Variants in CSMD3 observed in about 807,000 individuals in gnomAD.
The protein encoded by CSMD3 is CUB and sushi domain-containing protein 3.
Under a neutral mutation model 435.2 loss-of-function variants are expected in CSMD3, and 177 were observed. The observed-to-expected ratio is 0.41, with a 90% CI of 0.36 to 0.46. The LOEUF (loss-of-function observed/expected upper bound fraction) is 0.46, where lower values mean the gene tolerates loss of function less well. CSMD3 is among the 20% of genes least tolerant of loss of function. CSMD3 has a pLI of 0.34. For missense variants in CSMD3, 4,265 were observed against 4,504.6 expected (o/e 0.95, Z 1.52); for synonymous variants, 1,656 against 1,520.5 (o/e 1.09, Z -2.07).
chr8:112,643,534 T>C (rs2074894725), intron 20 of CSMD3: 1 of 170,088 alleles, frequency 5.9e-6, no homozygotes, highest in Non-Finnish European at 1.5e-5. Context: ...TTGCAACCTG[T>C]GAAGATGCAA....
At chr8:112,622,621 A>C (rs1434727854) in intron 22 of CSMD3, among the ~76,000 whole-genome samples, 1 of 152,130 alleles carries the variant, frequency 6.6e-6, no homozygotes, top group East Asian at 1.9e-4. Context: ...TCCGTATGCA[A>C]AAGAATGAAT....
chr8:112,886,363 T>C (rs1200112107), intron 10 of CSMD3, among the ~76,000 whole-genome samples: 2 of 151,600 alleles, frequency 1.3e-5, no homozygotes, highest in African/African-American at 4.8e-5. Context: ...TTTTTTTTCT[T>C]TTTCTGAAAA....
chr8:112,782,676 G>T (rs2078421622), intron 13 of CSMD3, among the ~76,000 whole-genome samples: 1 of 151,948 alleles, frequency 6.6e-6, no homozygotes, highest in South Asian at 2.1e-4. Context: ...CAAGGATAAA[G>T]AAAGGATTTT....
At chr8:113,236,737 C>T (rs1281965614) in intron 3 of CSMD3, among the ~76,000 whole-genome samples, 1 of 152,108 alleles carries the variant, frequency 6.6e-6, no homozygotes, top group African/African-American at 2.4e-5. Context: ...AGCTTGCAGA[C>T]AGCCTGTTGT....
chr8:113,360,661 C>T (rs577613927), intron 1 of CSMD3, among the ~76,000 whole-genome samples: 146 of 149,210 alleles, frequency 9.8e-4, no homozygotes, highest in African/African-American at 3.4e-3. Flanking sequence ...GCAAGCTCCG[C>T]CTCCCGGGTT....
intron 5 of CSMD3, among the ~76,000 whole-genome samples, chr8:113,066,390 TAAAA>T (rs1321520700): frequency 6.7e-6 from 1 of 150,284 alleles, no homozygotes; most frequent in East Asian, 1.9e-4. Context: ...GGACTTCAGT[TAAAA>T]AAAAAGAAAG....
At chr8:112,708,594 T>C (rs147822147) in intron 13 of CSMD3, among the ~76,000 whole-genome samples, 1 of 149,366 alleles carries the variant, frequency 6.7e-6, no homozygotes, top group Non-Finnish European at 1.5e-5. Context: ...TTAAAAATAA[T>C]ATAAAAATAT....
At chr8:113,405,860 G>A (rs1464707112) in intron 1 of CSMD3, among the ~76,000 whole-genome samples, 1 of 151,728 alleles carries the variant, frequency 6.6e-6, no homozygotes, top group Non-Finnish European at 1.5e-5. Flanking sequence ...TTTTTTATTA[G>A]AAACATTGTA....
At chr8:113,159,242 GAT>G (rs1321370196) in intron 4 of CSMD3, among the ~76,000 whole-genome samples, 1 of 151,588 alleles carries the variant, frequency 6.6e-6, no homozygotes, top group Non-Finnish European at 1.5e-5. Flanking sequence ...AAATATGTAA[GAT>G]ATGTAGAATA....
intron 3 of CSMD3, among the ~76,000 whole-genome samples, chr8:113,270,761 T>G (rs569943829): frequency 7.8e-5 from 11 of 140,824 alleles, no homozygotes; most frequent in Non-Finnish European, 1.2e-4. Context: ...CACTAATAGG[T>G]GGGAATTGAA....
At chr8:112,872,535 T>A (rs957996177) in intron 10 of CSMD3, among the ~76,000 whole-genome samples, 3 of 151,962 alleles carry the variant, frequency 2.0e-5, no homozygotes, top group African/African-American at 7.2e-5. Context: ...ATGTACAGAT[T>A]TTTCAAGGTA....
chr8:112,446,637 A>G (rs1815636113), intron 32 of CSMD3, among the ~76,000 whole-genome samples: 1 of 152,190 alleles, frequency 6.6e-6, no homozygotes, highest in African/African-American at 2.4e-5. Flanking sequence ...TGTAGTTTTT[A>G]GGTTTTTCAT....
chr8:112,787,689 A>G (rs1563960911), intron 13 of CSMD3, among the ~76,000 whole-genome samples: 1 of 152,158 alleles, frequency 6.6e-6, no homozygotes, highest in Non-Finnish European at 1.5e-5. Flanking sequence ...CCAGGCACAG[A>G]AAGACAAACT....
At chr8:113,330,202 T>G (rs946127013) in intron 1 of CSMD3, among the ~76,000 whole-genome samples, 4 of 152,102 alleles carry the variant, frequency 2.6e-5, no homozygotes, top group African/African-American at 9.6e-5. Flanking sequence ...AGCACATTGC[T>G]GCAAATATTC....
intron 12 of CSMD3, among the ~76,000 whole-genome samples, chr8:112,823,409 T>C (rs907051545): frequency 3.3e-5 from 5 of 152,198 alleles, no homozygotes; most frequent in Non-Finnish European, 7.4e-5. Flanking sequence ...TTAATTGTGA[T>C]GTCAGGGTGT....
At chr8:113,415,249 A>C in intron 1 of CSMD3, among the ~76,000 whole-genome samples, 1 of 152,178 alleles carries the variant, frequency 6.6e-6, no homozygotes, top group East Asian at 1.9e-4. Context: ...ATTGAACTGG[A>C]AATATGTATG....
intron 2 of CSMD3, among the ~76,000 whole-genome samples, chr8:113,284,887 A>G (rs918059557): frequency 1.3e-5 from 2 of 152,222 alleles, no homozygotes; most frequent in African/African-American, 4.8e-5. Flanking sequence ...ATTGTACCAC[A>G]GTCCAGCGGT....
chr8:113,219,990 T>C (rs867166444), intron 3 of CSMD3, among the ~76,000 whole-genome samples: 1 of 151,516 alleles, frequency 6.6e-6, no homozygotes, highest in Non-Finnish European at 1.5e-5. Context: ...CACAATTCAA[T>C]ATATAAAATA....
chr8:113,254,286 A>C (rs1026685803), intron 3 of CSMD3, among the ~76,000 whole-genome samples: 11 of 152,212 alleles, frequency 7.2e-5, no homozygotes, highest in Non-Finnish European at 5.9e-5. Flanking sequence ...GCAGCCTAAA[A>C]AATTGAGCTA....
Sources: allele counts gnomAD v4.1 joint callset (sites outside exome capture counted in the v4.1 genomes callset), GRCh38; gene constraint gnomAD v4.1.1; transcripts MANE v1.5; gene names NCBI Gene and HGNC (gene_info 2026-07-23, HGNC 2026-07-21).